VTI1A: variants seen among roughly 807,000 people sequenced by gnomAD.
VTI1A encodes vesicle transport through interaction with t-SNAREs 1A, also known as vesicle transport through interaction with t-SNAREs homolog 1A.
A neutral mutation model predicts 34.9 loss-of-function variants in VTI1A; 22 were observed. The ratio of observed to expected loss-of-function variants is 0.63; its 90% confidence interval spans 0.45 to 0.90. The LOEUF is 0.90. VTI1A is among the 40% of genes least tolerant of loss of function. The probability of loss-of-function intolerance (pLI) is 0.00; values close to 1 mark genes in which losing one functional copy is unlikely to be tolerated. For synonymous variants in VTI1A, 87 were observed against 97.3 expected (o/e 0.89, Z 0.62); for missense variants, 268 against 275.6 (o/e 0.97, Z 0.20).
At chr10:112,576,510 A>G (rs1466977377) in intron 5 of VTI1A, among the ~76,000 whole-genome samples, 1 of 152,236 alleles carries the variant, frequency 6.6e-6, no homozygotes, top group Non-Finnish European at 1.5e-5. Flanking sequence ...TCTGAAGATA[A>G]TAAAAAAATT....
At chr10:112,625,933 C>T (rs1845906757) in intron 5 of VTI1A, among the ~76,000 whole-genome samples, 1 of 152,154 alleles carries the variant, frequency 6.6e-6, no homozygotes, top group Admixed American at 6.5e-5. Flanking sequence ...TCTAATAAGT[C>T]ACGTAAAGCA....
Position 112,550,970 on chromosome 10 carries a change from G to A in VTI1A, c.427+12640G>A, listed in dbSNP as rs578093822. Among the ~76,000 whole-genome samples the A allele has an allele frequency of 2.6e-4, 40 of 152,226 alleles. 1 individual carries two copies. The highest frequency in any genetic ancestry group is 4.6e-4 in the Admixed American group (7 of 15,286). Reference sequence around the variant, plus strand: ...ATATAAAGTACCTTCACGGCCGGGCGCGGTGGCTCACGCCTGTAATCCCAG... The same window carrying A: ...ATATAAAGTACCTTCACGGCCGGGCACGGTGGCTCACGCCTGTAATCCCAG... On this transcript the variant is annotated intron_variant, in intron 5 of 7. Coordinates refer to ENST00000393077, the MANE Select transcript of VTI1A (RefSeq NM_145206.4).
intron 7 of VTI1A, among the ~76,000 whole-genome samples, chr10:112,710,742 C>T (rs1849383640): frequency 6.6e-6 from 1 of 152,076 alleles, no homozygotes; most frequent in Admixed American, 6.6e-5. Context: ...AGTTATCTGC[C>T]TTAGCTCTGA....
intron 7 of VTI1A, among the ~76,000 whole-genome samples, chr10:112,785,481 G>A (rs999150194): frequency 1.3e-5 from 2 of 151,926 alleles, no homozygotes; most frequent in Non-Finnish European, 2.9e-5. Context: ...TTCTTAATGG[G>A]GAATTTTGAA....
intron 7 of VTI1A, among the ~76,000 whole-genome samples, chr10:112,740,365 C>A (rs190664781): frequency 6.6e-6 from 1 of 152,302 alleles, no homozygotes; most frequent in Non-Finnish European, 1.5e-5. Context: ...TCTCGGCACA[C>A]TGCAACCTCC....
At chr10:112,543,140 G>T (rs911980550) in intron 5 of VTI1A, among the ~76,000 whole-genome samples, 1 of 152,154 alleles carries the variant, frequency 6.6e-6, no homozygotes, top group Admixed American at 6.5e-5. Context: ...ATGAACATAC[G>T]TGTGCATGTG....
intron 3 of VTI1A, among the ~76,000 whole-genome samples, chr10:112,492,227 C>T (rs998734869): frequency 6.6e-6 from 1 of 152,160 alleles, no homozygotes; most frequent in African/African-American, 2.4e-5. Context: ...TTAGATCAGT[C>T]CCAAAATGTT....
chr10:112,575,365 T>C (rs1009323124), intron 5 of VTI1A, among the ~76,000 whole-genome samples: 2 of 152,246 alleles, frequency 1.3e-5, no homozygotes, highest in South Asian at 2.1e-4. Context: ...ATAATCTTTG[T>C]AGCTGTTTTC....
At chr10:112,851,919 A>G in the VTI1A span, among the ~76,000 whole-genome samples, 8 of 152,108 alleles carry the variant, frequency 5.3e-5, no homozygotes, top group African/African-American at 1.9e-4. Context: ...ATATCCCACC[A>G]TGTTAATTTT....
At chr10:112,829,582 C>T in the VTI1A span, among the ~76,000 whole-genome samples, 1 of 151,974 alleles carries the variant, frequency 6.6e-6, no homozygotes, top group African/African-American at 2.4e-5. Context: ...GAAATCCCGT[C>T]TCTGCTAAAA....
chr10:112,551,243 CAAAAAAAAAAAAAAAAA>C (rs1161935841), intron 5 of VTI1A, among the ~76,000 whole-genome samples: 1 of 22,074 alleles, frequency 4.5e-5, no homozygotes, highest in Non-Finnish European at 1.2e-4. Context: ...TACTCCATCT[CAAAAAAAAAAAAAAAAA>C]AAAAAAAAAC....
chr10:112,608,268 A>ACATG (rs1845164374), intron 5 of VTI1A, among the ~76,000 whole-genome samples: 1 of 152,252 alleles, frequency 6.6e-6, no homozygotes, highest in African/African-American at 2.4e-5. Context: ...GCTGTTACAT[A>ACATG]CATGCATGCA....
At chr10:112,848,340 G>A in the VTI1A span, among the ~76,000 whole-genome samples, 1 of 152,198 alleles carries the variant, frequency 6.6e-6, no homozygotes, top group Non-Finnish European at 1.5e-5. Context: ...TTGATGAGGA[G>A]CCCTTGAGCT....
chr10:112,529,567 G>C (rs1850354665), intron 4 of VTI1A, among the ~76,000 whole-genome samples: 1 of 152,036 alleles, frequency 6.6e-6, no homozygotes, highest in Admixed American at 6.6e-5. Context: ...ATTTATATAA[G>C]AAAAGGTCTT....
In VTI1A at chr10:112,767,727, T is replaced by C. The variant is rs746555530; in HGVS notation, c.561-47563T>C. 6.6e-6 allele frequency among the ~76,000 whole-genome samples: 1 copy of C among 152,118 alleles called. No homozygotes were observed. Among genetic ancestry groups the C allele is most frequent in the Non-Finnish European group, 1.5e-5 (1 of 68,010 alleles). ...TCTGTATTCTCCCAATTTTCTTGGT[T>C]GCGATGAAAAAATAATAATTTTTAA... On this transcript the variant is annotated intron_variant, in intron 7 of 7. Transcript: ENST00000393077. The surrounding 1 kb of genome is among the most constrained non-coding windows in gnomAD (Gnocchi z 4.0).
At chr10:112,593,737 A>AT (rs1246270010) in intron 5 of VTI1A, among the ~76,000 whole-genome samples, 1 of 151,286 alleles carries the variant, frequency 6.6e-6, no homozygotes, top group African/African-American at 2.4e-5. Context: ...TCTTTTTTTT[A>AT]TTTTTTTTAT....
intron 4 of VTI1A, among the ~76,000 whole-genome samples, chr10:112,532,108 T>A (rs1850466852): frequency 6.6e-6 from 1 of 152,224 alleles, no homozygotes; most frequent in South Asian, 2.1e-4. Flanking sequence ...TAACAGTTTT[T>A]AAAATCTTAT....
At chr10:112,841,432 ACT>A in the VTI1A span, among the ~76,000 whole-genome samples, 1 of 152,060 alleles carries the variant, frequency 6.6e-6, no homozygotes, top group African/African-American at 2.4e-5. Context: ...GTCCAGAGAA[ACT>A]CTATTAATGT....
intron 7 of VTI1A, among the ~76,000 whole-genome samples, chr10:112,683,331 G>T (rs1429394338): frequency 1.3e-5 from 2 of 152,180 alleles, no homozygotes; most frequent in East Asian, 3.9e-4. Flanking sequence ...TGCTTGGCCT[G>T]AGTTAGTAAT....
Sources: allele counts gnomAD v4.1 joint callset (sites outside exome capture counted in the v4.1 genomes callset), GRCh38; gene constraint gnomAD v4.1.1; non-coding constraint Gnocchi (gnomAD v3.1); transcripts MANE v1.5; gene names NCBI Gene and HGNC (gene_info 2026-07-23, HGNC 2026-07-21).